ARID4B: variants seen among roughly 807,000 people sequenced by gnomAD.
The protein encoded by ARID4B is AT-rich interactive domain-containing protein 4B.
In ARID4B, 26 loss-of-function variants were observed where a neutral mutation model predicts 147.5. The ratio of observed to expected loss-of-function variants is 0.18; its 90% CI spans 0.13 to 0.24. The LOEUF is 0.24. Ranked by LOEUF, ARID4B falls within the 10% of genes least tolerant of loss-of-function variation. The probability of loss-of-function intolerance (pLI) is 1.00; values close to 1 mark genes in which losing one functional copy is unlikely to be tolerated. For missense variants in ARID4B, 1,179 were observed against 1,511.5 expected, an observed-to-expected ratio of 0.78 and a Z score of 3.65; for synonymous variants, 512 against 507.9, an observed-to-expected ratio of 1.01 and a Z score of -0.11.
intron 2 of ARID4B, among the ~76,000 whole-genome samples, chr1:235,303,485 G>A (rs56681442): frequency 0.46 from 70,427 of 151,572 alleles, 16,632 homozygotes; most frequent in South Asian, 0.6. Context: ...GCACTTTGAG[G>A]GGCCAAGGCA....
In ARID4B at chr1:235,220,485, C is replaced by T; in HGVS notation, c.1224G>A (p.Leu408=). ...RSANIEFQMA[L]PEKVVNKQCK... ...ATTGCTTGTTAACAACTTTCTCTGG[C>T]AATGCCATCTGAAATTCAATGTTGG... Residue 408 remains leucine, a synonymous_variant, in exon 15 of 24, where the codon TTG becomes TTA. Transcript: ENST00000264183. The T allele has an allele frequency of 6.2e-7, 1 of 1,612,444 alleles. No homozygotes were observed. Among genetic ancestry groups the T allele is most frequent in the Non-Finnish European group, 8.5e-7 (1 of 1,178,874 alleles).
chr1:235,297,009 T>C (rs1672788111), intron 2 of ARID4B, among the ~76,000 whole-genome samples: 1 of 151,950 alleles, frequency 6.6e-6, no homozygotes, highest in Non-Finnish European at 1.5e-5. Flanking sequence ...CTTTTCTTTT[T>C]ATATATATAT....
At chr1:235,219,661 T>C in intron 16 of ARID4B, 132 bp downstream of exon 16, 2 of 688,956 alleles carry the variant, frequency 2.9e-6, no homozygotes, top group Non-Finnish European at 4.6e-6. Context: ...GCTATTTAAT[T>C]AATAAATGCC....
At chr1:235,217,457 T>TACAC (rs948937590) in intron 16 of ARID4B, among the ~76,000 whole-genome samples, 2 of 129,886 alleles carry the variant, frequency 1.5e-5, no homozygotes, top group African/African-American at 3.1e-5. Context: ...CATACATACA[T>TACAC]ACACACACAT....
intron 9 of ARID4B, among the ~76,000 whole-genome samples, chr1:235,233,126 C>T (rs570302486): frequency 2.0e-5 from 3 of 152,182 alleles, no homozygotes; most frequent in African/African-American, 7.2e-5. Flanking sequence ...CGTGAGCCAC[C>T]GCGCCCAGCC....
chr1:235,168,339 G>C lies in ARID4B; in HGVS notation c.*186C>G. On this transcript the variant is annotated 3_prime_UTR_variant, in exon 24 of 24. Transcript: ENST00000264183. ...AAGTTGGAAACAATTATTGCTTGAG[G>C]AAAAGCAGTTCATTGTACTTTTTCT... 1.8e-6 allele frequency: 1 copy of C among 568,038 alleles called. No individual in the cohort carries two copies. Among genetic ancestry groups the C allele is most frequent in the Non-Finnish European group, 2.9e-6 (1 of 344,456 alleles). The allele number at this position is 568,038 out of a possible 1,614,324, so 35.2% of individuals were successfully genotyped here.
intron 19 of ARID4B, among the ~76,000 whole-genome samples, chr1:235,188,183 A>T (rs1664827289): frequency 6.6e-6 from 1 of 152,162 alleles, no homozygotes; most frequent in African/African-American, 2.4e-5. Context: ...TATATATGGT[A>T]TATAAATGCA....
intron 2 of ARID4B, among the ~76,000 whole-genome samples, chr1:235,297,771 A>G (rs1347579601): frequency 1.3e-5 from 2 of 152,222 alleles, no homozygotes; most frequent in African/African-American, 4.8e-5. Flanking sequence ...CAGGGGTTAA[A>G]CCAAACCACA....
At chr1:235,309,582 C>T (rs1673893458) in intron 2 of ARID4B, among the ~76,000 whole-genome samples, 1 of 150,428 alleles carries the variant, frequency 6.6e-6, no homozygotes, top group Non-Finnish European at 1.5e-5. Flanking sequence ...GTCAGCCGCC[C>T]CGTCCGGGAG....
At chr1:235,303,097 G>T (rs1177887990) in intron 2 of ARID4B, among the ~76,000 whole-genome samples, 1 of 151,532 alleles carries the variant, frequency 6.6e-6, no homozygotes, top group Non-Finnish European at 1.5e-5. Context: ...CTAATTTTTT[G>T]TATTTTTAGT....
intron 2 of ARID4B, among the ~76,000 whole-genome samples, chr1:235,300,695 GA>G (rs1179124229): frequency 6.6e-6 from 1 of 151,814 alleles, no homozygotes; most frequent in Non-Finnish European, 1.5e-5. Context: ...GAGAAAAAAG[GA>G]ACTACAAGAA....
At chr1:235,237,244 C>G (rs1306873217) in intron 8 of ARID4B, among the ~76,000 whole-genome samples, 1 of 152,108 alleles carries the variant, frequency 6.6e-6, no homozygotes, top group Non-Finnish European at 1.5e-5. Context: ...ATCGCAAACA[C>G]TGATGCTTTT....
intron 19 of ARID4B, among the ~76,000 whole-genome samples, chr1:235,193,326 G>A (rs897444072): frequency 2.6e-5 from 4 of 152,194 alleles, no homozygotes; most frequent in Non-Finnish European, 5.9e-5. Context: ...GAGTCTGGGA[G>A]GTTGAGGCTG....
chr1:235,275,489 C>CT (rs1671263348), intron 2 of ARID4B, among the ~76,000 whole-genome samples: 1 of 152,182 alleles, frequency 6.6e-6, no homozygotes, highest in African/African-American at 2.4e-5. Context: ...TGTGGGTTCT[C>CT]TGAGTGACTG....
chr1:235,262,623 G>C (rs1458665598), intron 2 of ARID4B, among the ~76,000 whole-genome samples: 1 of 151,954 alleles, frequency 6.6e-6, no homozygotes, highest in Non-Finnish European at 1.5e-5. Flanking sequence ...AGGCATACTA[G>C]TGGCTTTATT....
intron 5 of ARID4B, among the ~76,000 whole-genome samples, chr1:235,254,555 T>A (rs932775710): frequency 6.6e-6 from 1 of 151,760 alleles, no homozygotes; most frequent in East Asian, 1.9e-4. Context: ...GGCTTTAAGA[T>A]TCAAAACTAA....
intron 2 of ARID4B, among the ~76,000 whole-genome samples, chr1:235,295,335 C>A (rs1672619210): frequency 6.6e-6 from 1 of 151,716 alleles, no homozygotes; most frequent in African/African-American, 2.4e-5. Context: ...CATGGCAAAA[C>A]CTGGTCTCTA....
intron 2 of ARID4B, chr1:235,326,694 T>C (rs758795796): frequency 6.1e-5 from 35 of 577,406 alleles, no homozygotes; most frequent in African/African-American, 5.6e-5. Context: ...ATGTTCAATA[T>C]GGGAGAATCA....
intron 7 of ARID4B, among the ~76,000 whole-genome samples, chr1:235,246,093 A>T (rs1669283962): frequency 6.6e-6 from 1 of 152,240 alleles, no homozygotes; most frequent in Non-Finnish European, 1.5e-5. Flanking sequence ...GAAGGGAGGC[A>T]TGGAGACCAA....
Sources: allele counts gnomAD v4.1 joint callset (sites outside exome capture counted in the v4.1 genomes callset), GRCh38; gene constraint gnomAD v4.1.1; transcripts MANE v1.5; gene names NCBI Gene and HGNC (gene_info 2026-07-23, HGNC 2026-07-21).